Variants in RBFOX1 observed in about 807,000 individuals in gnomAD.
The protein encoded by RBFOX1 is RNA binding protein fox-1 homolog 1.
Under a neutral mutation model 57.7 loss-of-function variants are expected in RBFOX1, and 8 were observed. That is an observed-to-expected ratio of 0.14 (90% CI 0.08 to 0.25). The LOEUF (loss-of-function observed/expected upper bound fraction) is 0.25. RBFOX1 is among the 10% of genes least tolerant of loss of function. RBFOX1 has a pLI of 1.00. For missense variants in RBFOX1, 611 were observed against 548.5 expected (o/e 1.11, Z -1.14); for synonymous variants, 326 against 222.4 (o/e 1.47, Z -4.15).
chr16:7,016,808 C>G (rs868109646), intron 3 of RBFOX1, among the ~76,000 whole-genome samples: 1 of 152,130 alleles, frequency 6.6e-6, no homozygotes, highest in East Asian at 1.9e-4. Flanking sequence ...TGGTTACCCG[C>G]CAGGTGAGGT....
intron 2 of RBFOX1, among the ~76,000 whole-genome samples, chr16:6,426,123 T>C (rs766473429): frequency 8.5e-5 from 13 of 152,056 alleles, no homozygotes; most frequent in Non-Finnish European, 1.8e-4. Flanking sequence ...ATTGTCTCTC[T>C]CTTATTCTCT....
At chr16:6,622,249 G>T (rs531873143) in intron 2 of RBFOX1, among the ~76,000 whole-genome samples, 10 of 152,180 alleles carry the variant, frequency 6.6e-5, no homozygotes, top group South Asian at 4.1e-4. Context: ...TGACGTTTCA[G>T]TCAACAGCAG....
rs939502235 is a variant in RBFOX1 at position 7,560,252 on chromosome 16, G to T, written c.271-19525G>T. On this transcript the variant is annotated intron_variant, in intron 5 of 15. Coordinates refer to ENST00000550418, the MANE Select transcript of RBFOX1 (RefSeq NM_018723.4). The stretch of plus-strand genomic sequence containing the variant: ...GGCTGTCAAGAACCCCCTATGGGGG[G>T]TGGACTTCTTGGCTTACCCACCCTC... Among the ~76,000 whole-genome samples, 6 of 152,206 alleles carry T rather than the reference G, an allele frequency of 3.9e-5. No individual in the cohort carries two copies. In the South Asian group the frequency reaches 8.3e-4, roughly 21 times the overall value.
At chr16:6,401,672 A>T (rs1011055954) in intron 2 of RBFOX1, among the ~76,000 whole-genome samples, 2 of 152,176 alleles carry the variant, frequency 1.3e-5, no homozygotes, top group Non-Finnish European at 2.9e-5. Context: ...GGAAGCCACT[A>T]TTGCTGTTCC....
At chr16:5,596,090 G>A (rs1392703034) in intron 2 of RBFOX1, among the ~76,000 whole-genome samples, 2 of 152,190 alleles carry the variant, frequency 1.3e-5, no homozygotes, top group Non-Finnish European at 2.9e-5. Context: ...CAGGCTCAGG[G>A]ATGTGGAGAG....
chr16:6,858,505 T>A (rs2058322565), intron 3 of RBFOX1, among the ~76,000 whole-genome samples: 3 of 152,160 alleles, frequency 2.0e-5, no homozygotes, highest in Admixed American at 6.5e-5. Context: ...ACATACTCCT[T>A]GAAGCTGCTT....
chr16:6,094,862 C>T (rs2096224827), intron 1 of RBFOX1, among the ~76,000 whole-genome samples: 1 of 152,210 alleles, frequency 6.6e-6, no homozygotes. Context: ...AAGTTTGAGA[C>T]CAGCCTGGCC....
At chr16:6,779,831 T>A (rs369403105) in intron 3 of RBFOX1, among the ~76,000 whole-genome samples, 71 of 5,542 alleles carry the variant, frequency 0.013, 7 homozygotes, top group African/African-American at 0.04. Context: ...ATATATATTT[T>A]TATATATTTA....
At chr16:6,304,003 G>A (rs1567892119) in intron 1 of RBFOX1, among the ~76,000 whole-genome samples, 1 of 151,280 alleles carries the variant, frequency 6.6e-6, no homozygotes, top group African/African-American at 2.4e-5. Flanking sequence ...GTAGAATCGG[G>A]GTTTCACCAT....
In RBFOX1 at chr16:7,106,805, G is replaced by A. The variant is rs989024320; in HGVS notation, c.27+54707G>A. 8.6e-5 allele frequency among the ~76,000 whole-genome samples: 13 copies of A among 151,942 alleles called. 1 individual carries two copies. The highest frequency in any genetic ancestry group is 8.4e-4 in the South Asian group (4 of 4,784). ...GACGTGACCAGATGCCCTAAAAGGT[G>A]TCTGCTGGACAGCATTAAACAGATA... On this transcript the variant is annotated intron_variant, in intron 4 of 15. Coordinates refer to ENST00000550418, the MANE Select transcript of RBFOX1 (RefSeq NM_018723.4).
intron 3 of RBFOX1, among the ~76,000 whole-genome samples, chr16:5,645,251 A>G (rs1447640280): frequency 9.6e-6 from 1 of 104,650 alleles, no homozygotes; most frequent in Admixed American, 1.2e-4. Flanking sequence ...TTCCATCTCA[A>G]AAAAACAAAA....
intron 4 of RBFOX1, among the ~76,000 whole-genome samples, chr16:7,460,389 A>ATATATGTGTGTGTGTG: frequency 6.9e-5 from 6 of 87,214 alleles, no homozygotes; most frequent in African/African-American, 3.9e-4. Flanking sequence ...ATATATATAT[A>ATATATGTGTGTGTGTG]TGTGTGTGTG....
At chr16:7,187,533 C>CA (rs1281998600) in intron 4 of RBFOX1, among the ~76,000 whole-genome samples, 3 of 150,776 alleles carry the variant, frequency 2.0e-5, no homozygotes, top group Admixed American at 1.3e-4. Flanking sequence ...ACTAAAAATA[C>CA]AAAAAATTAG....
At chr16:6,519,905 T>G (rs111886043) in intron 2 of RBFOX1, among the ~76,000 whole-genome samples, 4 of 152,080 alleles carry the variant, frequency 2.6e-5, no homozygotes, top group Non-Finnish European at 5.9e-5. Flanking sequence ...GAACTGTGGG[T>G]TTGGCCCCAT....
At chr16:5,855,327 T>G (rs1158848205) in intron 3 of RBFOX1, among the ~76,000 whole-genome samples, 3 of 152,230 alleles carry the variant, frequency 2.0e-5, no homozygotes, top group Non-Finnish European at 4.4e-5. Flanking sequence ...TTTTCCACTT[T>G]GTTTTCTTTT....
chr16:7,458,291 T>C (rs2058919613), intron 4 of RBFOX1, among the ~76,000 whole-genome samples: 2 of 152,120 alleles, frequency 1.3e-5, no homozygotes, highest in South Asian at 4.2e-4. Context: ...AATTATGTGA[T>C]TGTGTGTCTC....
In RBFOX1 at chr16:5,392,376, G is replaced by A. The variant is rs370982772; in HGVS notation, c.220-74840G>A. On this transcript the variant is annotated intron_variant, in intron 1 of 2. Transcript: ENST00000585867. ...TCTTATTAACTTCATCATCTGCAAA[G>A]GCCGTACTTCCAAATAAAGTCGCAT... 1.1e-4 allele frequency among the ~76,000 whole-genome samples: 16 copies of A among 152,164 alleles called. 1 individual carries two copies. The South Asian group carries it at 2.1e-3, about 20-fold the overall frequency.
chr16:5,999,439 A>G (rs759555684), intron 4 of RBFOX1, among the ~76,000 whole-genome samples: 6 of 152,210 alleles, frequency 3.9e-5, no homozygotes, highest in Non-Finnish European at 7.3e-5. Context: ...TTGCAGGATC[A>G]TTTGATTCAT....
intron 3 of RBFOX1, among the ~76,000 whole-genome samples, chr16:5,750,616 C>T (rs549688523): frequency 9.2e-5 from 14 of 152,290 alleles, no homozygotes; most frequent in South Asian, 4.1e-4. Flanking sequence ...CGATCTCAGA[C>T]GGCTGTGCTA....
Sources: gnomAD v4.1 joint callset for allele counts (sites outside exome capture counted in the v4.1 genomes callset) on GRCh38, gnomAD v4.1.1 for gene constraint, MANE v1.5 for transcripts, NCBI Gene and HGNC (gene_info 2026-07-23, HGNC 2026-07-21) for gene names.